Variants in ESRRG observed in about 807,000 individuals in gnomAD.
ESRRG encodes the protein estrogen-related receptor gamma.
In ESRRG, 13 loss-of-function variants were observed where a neutral mutation model predicts 44.0. The ratio of observed to expected loss-of-function variants is 0.30; its 90% CI spans 0.19 to 0.47. The LOEUF (loss-of-function observed/expected upper bound fraction) is 0.47. Among genes scored for constraint, ESRRG ranks in the 20% least tolerant of loss-of-function variants. ESRRG has a pLI of 1.00. For missense variants in ESRRG, 395 were observed against 580.6 expected (o/e 0.68, Z 3.29); for synonymous variants, 215 against 214.6 (o/e 1.00, Z -0.02).
At chr1:216,691,121 G>A (rs1041152029) in intron 1 of ESRRG, among the ~76,000 whole-genome samples, 4 of 152,124 alleles carry the variant, frequency 2.6e-5, no homozygotes, top group African/African-American at 7.2e-5. Flanking sequence ...AGCCAGTCAA[G>A]GTAGGCTTAA....
chr1:216,892,887 T>C (rs1280295229), intron 2 of ESRRG, among the ~76,000 whole-genome samples: 1 of 152,096 alleles, frequency 6.6e-6, no homozygotes, highest in African/African-American at 2.4e-5. Context: ...TTTGCGTTCT[T>C]AATATATGAT....
chr1:216,626,847 G>A (rs537916415), intron 3 of ESRRG, among the ~76,000 whole-genome samples: 131 of 152,342 alleles, frequency 8.6e-4, no homozygotes, highest in African/African-American at 3.1e-3. Context: ...CTAAAAATGA[G>A]AGAGTCAGGG....
At chr1:217,064,507 CAG>C (rs559716275) in intron 1 of ESRRG, among the ~76,000 whole-genome samples, 68 of 152,276 alleles carry the variant, frequency 4.5e-4, no homozygotes, top group African/African-American at 1.6e-3. Context: ...AATGGACCCA[CAG>C]AGCACCATGG....
At chr1:217,093,112 T>C (rs1278084256), upstream of ESRRG, among the ~76,000 whole-genome samples, 1 of 152,216 alleles carries the variant, frequency 6.6e-6, no homozygotes, top group Non-Finnish European at 1.5e-5. Context: ...TGTCAAGATA[T>C]TAAAATTTCC....
At chr1:216,678,952 G>A (rs1024470911) in intron 1 of ESRRG, among the ~76,000 whole-genome samples, 9 of 152,132 alleles carry the variant, frequency 5.9e-5, no homozygotes, top group African/African-American at 2.2e-4. Flanking sequence ...ACTTCAAAAT[G>A]AAGAAAAATA....
At chr1:216,587,800 G>A (rs1049088354) in intron 3 of ESRRG, among the ~76,000 whole-genome samples, 5 of 152,184 alleles carry the variant, frequency 3.3e-5, no homozygotes, top group African/African-American at 1.2e-4. Flanking sequence ...GGGAGAGCCT[G>A]CAGTTTAAAT....
chr1:216,966,083 G>A (rs771235784), intron 1 of ESRRG, among the ~76,000 whole-genome samples: 2 of 152,118 alleles, frequency 1.3e-5, no homozygotes, highest in Non-Finnish European at 2.9e-5. Context: ...ATTTGTCAAG[G>A]TAGAACAATA....
chr1:217,121,363 C>T (rs1375058585), intron 1 of ESRRG, among the ~76,000 whole-genome samples: 2 of 152,024 alleles, frequency 1.3e-5, no homozygotes, highest in East Asian at 3.9e-4. Context: ...TGGGAAATCA[C>T]TGAAGGGTTG....
At chr1:216,594,991 G>A (rs2058226033) in intron 3 of ESRRG, among the ~76,000 whole-genome samples, 1 of 152,152 alleles carries the variant, frequency 6.6e-6, no homozygotes, top group African/African-American at 2.4e-5. Context: ...CAACCATCCT[G>A]CAGAAAGTAG....
chr1:216,770,834 A>C (rs1395852079), intron 2 of ESRRG, among the ~76,000 whole-genome samples: 2 of 152,060 alleles, frequency 1.3e-5, no homozygotes, highest in African/African-American at 4.8e-5. Flanking sequence ...TGACCTGTCT[A>C]TCCGTTTATC....
rs116480215 is a variant in ESRRG at position 216,868,011 on chromosome 1, A to G, written c.-14+71571T>C. Reference sequence around the variant, plus strand: ...ATGTCATAAAATGGGATACTACAGTATGTCACTTTTTGAGACTGGTCTCTC... The same window carrying G: ...ATGTCATAAAATGGGATACTACAGTGTGTCACTTTTTGAGACTGGTCTCTC... On this transcript the variant is annotated intron_variant, in intron 2 of 7. Coordinates refer to the ESRRG transcript ENST00000359162. Among the ~76,000 whole-genome samples the G allele has an allele frequency of 3.7e-3, 544 of 147,344 alleles. 2 individuals are homozygous for G. The highest frequency in any genetic ancestry group is 0.013 in the African/African-American group (527 of 40,260).
chr1:216,726,153 A>T (rs147660298), upstream of ESRRG, among the ~76,000 whole-genome samples: 2 of 152,242 alleles, frequency 1.3e-5, no homozygotes, highest in East Asian at 1.9e-4. Flanking sequence ...TTCACTAACC[A>T]TATTTCATCT....
At chr1:216,821,285 TA>T (rs2095281650) in intron 2 of ESRRG, among the ~76,000 whole-genome samples, 1 of 152,144 alleles carries the variant, frequency 6.6e-6, no homozygotes, top group South Asian at 2.1e-4. Context: ...GGTCTCTATT[TA>T]GTGGGATTTT....
intron 1 of ESRRG, among the ~76,000 whole-genome samples, chr1:216,995,091 G>A (rs1296141910): frequency 6.6e-6 from 1 of 152,190 alleles, no homozygotes. Context: ...CGACTGAGAT[G>A]ACTCTTCTGA....
chr1:216,956,743 A>T (rs994346949), intron 1 of ESRRG, among the ~76,000 whole-genome samples: 1 of 152,212 alleles, frequency 6.6e-6, no homozygotes, highest in Non-Finnish European at 1.5e-5. Context: ...AGTTAGAGAG[A>T]ATAGAAATAG....
intron 1 of ESRRG, among the ~76,000 whole-genome samples, chr1:216,980,964 T>G (rs144460003): frequency 1.4e-3 from 209 of 152,286 alleles, no homozygotes; most frequent in Middle Eastern, 0.014. Flanking sequence ...AAACTACTAT[T>G]TATCCATAAA....
chr1:217,045,999 G>T (rs2084807651), intron 1 of ESRRG, among the ~76,000 whole-genome samples: 1 of 151,944 alleles, frequency 6.6e-6, no homozygotes, highest in South Asian at 2.1e-4. Flanking sequence ...TAATAATTCT[G>T]CTAAATGACA....
intron 2 of ESRRG, among the ~76,000 whole-genome samples, chr1:216,926,178 G>GC (rs768361047): frequency 5.3e-5 from 8 of 152,186 alleles, no homozygotes; most frequent in Non-Finnish European, 7.3e-5. Flanking sequence ...CAGATGCCAG[G>GC]CCCCTGCCCT....
At chr1:216,538,892 A>C (rs962175299) in intron 5 of ESRRG, among the ~76,000 whole-genome samples, 7 of 152,064 alleles carry the variant, frequency 4.6e-5, no homozygotes, top group African/African-American at 1.4e-4. Context: ...CTTATGCAGA[A>C]TATTCATCGA....
Sources: gnomAD v4.1 joint callset for allele counts (sites outside exome capture counted in the v4.1 genomes callset) on GRCh38, gnomAD v4.1.1 for gene constraint, MANE v1.5 for transcripts, NCBI Gene and HGNC (gene_info 2026-07-23, HGNC 2026-07-21) for gene names.